Variants in HELZ observed in about 807,000 individuals in gnomAD.
HELZ encodes helicase with zinc finger, also known as ATP-dependent RNA helicase with zinc finger domain.
HELZ carries 23 observed loss-of-function variants against 218.2 expected under a neutral mutation model. That is an observed-to-expected ratio of 0.11 (90% CI 0.08 to 0.15). HELZ has a LOEUF of 0.15. Among genes scored for constraint, HELZ ranks in the 10% least tolerant of loss-of-function variants. The pLI, the probability that HELZ is intolerant of heterozygous loss-of-function variation, is 1.00. For synonymous variants in HELZ, 814 were observed against 829.4 expected, an observed-to-expected ratio of 0.98 and a Z score of 0.32; for missense variants, 1,813 against 2,353.7, an observed-to-expected ratio of 0.77 and a Z score of 4.75.
chr17:67,235,853 C>T (rs1198531745), intron 3 of HELZ, among the ~76,000 whole-genome samples: 12 of 151,284 alleles, frequency 7.9e-5, no homozygotes, highest in South Asian at 2.1e-4. Context: ...CTCCACCTCC[C>T]GGGTTCACAC....
intron 17 of HELZ, among the ~76,000 whole-genome samples, chr17:67,156,692 A>C (rs1215883068): frequency 2.0e-5 from 3 of 151,272 alleles, no homozygotes; most frequent in Non-Finnish European, 4.4e-5. Context: ...TCCCCTAACA[A>C]TCTCATCTAT....
chr17:67,096,345 G>A (rs899172680), intron 31 of HELZ, among the ~76,000 whole-genome samples: 2 of 152,174 alleles, frequency 1.3e-5, no homozygotes, highest in African/African-American at 4.8e-5. Context: ...AAGTTCACCA[G>A]CTGCATTAGT....
chr17:67,207,206 C>G (rs1420905739), intron 5 of HELZ, among the ~76,000 whole-genome samples: 1 of 145,440 alleles, frequency 6.9e-6, no homozygotes, highest in Non-Finnish European at 1.5e-5. Context: ...GCCACCACGC[C>G]CGGCCTTTTT....
At chr17:67,137,881 C>T in intron 22 of HELZ, 50 bp downstream of exon 22, 1 of 1,388,412 alleles carries the variant, frequency 7.2e-7, no homozygotes, top group Non-Finnish European at 9.9e-7. Flanking sequence ...TGTGAACACA[C>T]TTTAGATTTA....
intron 17 of HELZ, among the ~76,000 whole-genome samples, chr17:67,152,374 T>TA (rs2038711500): frequency 6.6e-6 from 1 of 152,106 alleles, no homozygotes; most frequent in African/African-American, 2.4e-5. Flanking sequence ...AGGTTACTGT[T>TA]AAGAGTGCAG....
chr17:67,195,268 A>T (rs2039994149), intron 8 of HELZ, 151 bp downstream of exon 8: 1 of 511,516 alleles, frequency 2.0e-6, no homozygotes, highest in African/African-American at 1.9e-5. Flanking sequence ...AATTGCTTTC[A>T]ACTACACCTA....
chr17:67,134,644 G>T (rs1164640067), intron 23 of HELZ, among the ~76,000 whole-genome samples: 1 of 151,488 alleles, frequency 6.6e-6, no homozygotes, highest in Non-Finnish European at 1.5e-5. Flanking sequence ...TCTAATATAT[G>T]AAACTTATTC....
chr17:67,136,362 T>C (rs534635805), intron 22 of HELZ, among the ~76,000 whole-genome samples, 164 bp from the exon 23 acceptor site: 32 of 152,214 alleles, frequency 2.1e-4, no homozygotes, highest in South Asian at 8.3e-4. Context: ...TGTCCAATGG[T>C]ACAGCTGCTG....
At chr17:67,175,237 AAAG>A (rs908901493) in intron 13 of HELZ, among the ~76,000 whole-genome samples, 2 of 152,180 alleles carry the variant, frequency 1.3e-5, no homozygotes, top group African/African-American at 2.4e-5. Context: ...AAAAACAAAA[AAAG>A]AAGAAGAAAT....
At chr17:67,100,790 AAGAGAG>A (rs894453516) in intron 31 of HELZ, among the ~76,000 whole-genome samples, 8 of 152,016 alleles carry the variant, frequency 5.3e-5, no homozygotes, top group Non-Finnish European at 7.4e-5. Flanking sequence ...TTCAAAAAAT[AAGAGAG>A]AGAGAGAAAG....
chr17:67,107,378 C>G lies in HELZ; in HGVS notation c.5032G>C (p.Ala1678Pro). The G allele has an allele frequency of 6.2e-7, 1 of 1,613,946 alleles. No individual in the cohort carries two copies. The highest frequency in any genetic ancestry group is 8.5e-7 in the Non-Finnish European group (1 of 1,179,966). ...HLAPPPLKYL[A>P]PDGAWTFANL... ...GCAAAAGTCCATGCTCCATCAGGTG[C>G]CAGGTATTTCAAGGGAGGAGGGGCA... is the stretch of plus-strand genomic sequence containing the variant. Residue 1678 changes from alanine to proline, a missense_variant, in exon 31 of 33, where the codon GCA (alanine) becomes CCA (proline). Transcript: ENST00000358691.
At chr17:67,145,655 G>A (rs2038471089) in intron 21 of HELZ, 88 bp downstream of exon 21, 2 of 1,045,548 alleles carry the variant, frequency 1.9e-6, no homozygotes, top group African/African-American at 1.6e-5. Context: ...GCAATACAAT[G>A]TCAACCCAAA....
At chr17:67,089,716 G>GAC (rs1555595504) in intron 31 of HELZ, among the ~76,000 whole-genome samples, 4 of 140,600 alleles carry the variant, frequency 2.8e-5, no homozygotes, top group African/African-American at 8.4e-5. Flanking sequence ...GAGACAGAGA[G>GAC]AGAGACAGAG....
At chr17:67,124,663 T>G (rs185322521) in intron 24 of HELZ, among the ~76,000 whole-genome samples, 2 of 152,276 alleles carry the variant, frequency 1.3e-5, no homozygotes, top group Non-Finnish European at 2.9e-5. Flanking sequence ...CTTCCAGAAA[T>G]TTATCCAAAT....
chr17:67,075,456 T>G lies in HELZ; in HGVS notation c.*2796A>C, dbSNP rs746003586. ...TATATACATATACTATACATATATA[T>G]GCATATATAAGGGTTGAACCTAGCA... On this transcript the variant is annotated 3_prime_UTR_variant, in exon 33 of 33. Coordinates refer to ENST00000358691, the MANE Select transcript of HELZ (RefSeq NM_014877.4). 1 of 152,156 alleles carries G rather than the reference T, an allele frequency of 6.6e-6. No homozygotes were observed. Among genetic ancestry groups the G allele is most frequent in the Non-Finnish European group, 1.5e-5 (1 of 68,010 alleles). The allele number at this position is 152,156 out of a possible 1,614,324, so 9.4% of individuals were successfully genotyped here.
chr17:67,124,160 C>G (rs2037709076), intron 24 of HELZ, 146 bp from the exon 25 acceptor site: 1 of 521,360 alleles, frequency 1.9e-6, no homozygotes, highest in African/African-American at 2.0e-5. Flanking sequence ...AACCATTAGA[C>G]TGCTTTGAGC....
chr17:67,084,735 C>A (rs9900094), intron 32 of HELZ, among the ~76,000 whole-genome samples: 113,312 of 151,694 alleles, frequency 0.75, 42,767 homozygotes, highest in East Asian at 0.98. Context: ...TAAACAAAAC[C>A]ACCAAAAAAG....
chr17:67,151,332 A>G, intron 17 of HELZ, 108 bp from the exon 18 acceptor site: 1 of 904,658 alleles, frequency 1.1e-6, no homozygotes, highest in South Asian at 1.8e-5. Flanking sequence ...CTGAAAAGTT[A>G]CAAATGAATC....
chr17:67,174,200 A>T (rs891504631), intron 13 of HELZ, among the ~76,000 whole-genome samples: 2 of 114,418 alleles, frequency 1.7e-5, no homozygotes, highest in Non-Finnish European at 1.7e-5. Flanking sequence ...ATCATCCTTT[A>T]AAAAAAAAAA....
Sources: allele counts gnomAD v4.1 joint callset (sites outside exome capture counted in the v4.1 genomes callset), GRCh38; gene constraint gnomAD v4.1.1; transcripts MANE v1.5; gene names NCBI Gene and HGNC (gene_info 2026-07-23, HGNC 2026-07-21).